The following GSE1 variants were observed in gnomAD, a reference collection of about 807,000 sequenced individuals.
GSE1 encodes Gse1 coiled-coil protein.
Under a neutral mutation model 112.6 loss-of-function variants are expected in GSE1, and 32 were observed. The observed-to-expected ratio is 0.28, with a 90% CI of 0.21 to 0.38. The LOEUF is 0.38. GSE1 is among the 10% of genes least tolerant of loss of function. GSE1 has a pLI of 1.00. For missense variants in GSE1, 2,348 were observed against 1,699.2 expected, an observed-to-expected ratio of 1.38 and a Z score of -6.71; for synonymous variants, 1,115 against 735.6, an observed-to-expected ratio of 1.52 and a Z score of -8.35.
intron 2 of GSE1, among the ~76,000 whole-genome samples, chr16:85,501,371 G>A (rs1490769220): frequency 6.7e-6 from 1 of 150,114 alleles, no homozygotes; most frequent in East Asian, 2.0e-4. Flanking sequence ...ACACGGTTCT[G>A]GGATTAGGAC....
chr16:85,593,176 A>G (rs555560536), intron 1 of GSE1: 3 of 152,438 alleles, frequency 2.0e-5, no homozygotes, highest in Admixed American at 1.3e-4. Flanking sequence ...ATCCTGGTCT[A>G]TCGAGTGGGT....
chr16:85,317,575 C>T (rs571857013), intron 1 of GSE1, among the ~76,000 whole-genome samples: 21 of 152,168 alleles, frequency 1.4e-4, no homozygotes, highest in African/African-American at 5.1e-4. Context: ...AGCATCCATG[C>T]GCCCTGCACA....
upstream of GSE1, among the ~76,000 whole-genome samples, chr16:85,612,583 C>T (rs2048064319): frequency 6.6e-6 from 1 of 151,616 alleles, no homozygotes; most frequent in Non-Finnish European, 1.5e-5. Flanking sequence ...CGCAGCGGCC[C>T]GCAATTGTGG....
intron 2 of GSE1, among the ~76,000 whole-genome samples, chr16:85,447,581 G>C (rs1047854686): frequency 2.0e-5 from 3 of 152,224 alleles, no homozygotes; most frequent in African/African-American, 7.2e-5. Flanking sequence ...CCAGGCGCCT[G>C]CTCCGTGCCT....
At chr16:85,585,296 C>G (rs1567616195) in intron 1 of GSE1, among the ~76,000 whole-genome samples, 2 of 152,202 alleles carry the variant, frequency 1.3e-5, no homozygotes, top group Middle Eastern at 3.2e-3. Context: ...CTCCAGGAAC[C>G]AGAGGCCCAT....
At chr16:85,330,128 G>A (rs538479233) in intron 1 of GSE1, among the ~76,000 whole-genome samples, 2 of 152,336 alleles carry the variant, frequency 1.3e-5, no homozygotes, top group African/African-American at 4.8e-5. Flanking sequence ...TGCCTGCTGT[G>A]CTGGGCCGAG....
At chr16:85,196,371 C>G (rs991660152) in intron 1 of GSE1, among the ~76,000 whole-genome samples, 1 of 152,158 alleles carries the variant, frequency 6.6e-6, no homozygotes, top group Non-Finnish European at 1.5e-5. Context: ...GGACCTGCAT[C>G]TGACTGTCAG....
rs537735102 is a variant in GSE1, at chr16:85,410,403, G to C, written c.2464+52760G>C. Among the ~76,000 whole-genome samples the C allele has an allele frequency of 1.4e-4, 5 of 34,540 alleles. 2 individuals carry two copies. The highest frequency in any genetic ancestry group is 9.4e-4 in the African/African-American group (5 of 5,328). 22.7% of individuals were successfully genotyped at this position (34,540 alleles called of 152,430 possible). The stretch of plus-strand genomic sequence containing the variant: ...TCACTTTTACACTCAGGCCCCCCTG[G>C]ATAATCCTCACTGTTACACTCAGGG... On this transcript the variant is annotated intron_variant, in intron 2 of 2. Coordinates refer to the GSE1 transcript ENST00000637419.
intron 1 of GSE1, among the ~76,000 whole-genome samples, chr16:85,277,080 C>A (rs938528645): frequency 6.6e-6 from 1 of 152,134 alleles, no homozygotes; most frequent in Non-Finnish European, 1.5e-5. Context: ...TGGATTGAAT[C>A]TGGGGAAGGA....
intron 2 of GSE1, among the ~76,000 whole-genome samples, chr16:85,639,846 C>T (rs1178327876): frequency 6.6e-6 from 1 of 152,242 alleles, no homozygotes; most frequent in East Asian, 1.9e-4. Context: ...GCGGCAGCCT[C>T]CCGCAGGGAC....
Position 85,208,929 on chromosome 16 carries a change from G to A in GSE1, c.2283+37122G>A, listed in dbSNP as rs545323285. Among the ~76,000 whole-genome samples, 25 of 148,166 alleles carry A rather than the reference G, an allele frequency of 1.7e-4. No homozygotes were observed. In the South Asian group the frequency reaches 4.9e-3, roughly 29 times the overall value. ...TGGGGTTTGCCACGTGTCGGGGTTCGCCTGTGTTGGGGTTCGCCGCATGTT... is the reference window on the plus strand; with the variant it reads ...TGGGGTTTGCCACGTGTCGGGGTTCACCTGTGTTGGGGTTCGCCGCATGTT... On this transcript the variant is annotated intron_variant, in intron 1 of 2. Transcript: ENST00000637419.
At chr16:85,667,936 C>T (rs1452139804) in intron 13 of GSE1, among the ~76,000 whole-genome samples, 2 of 144,468 alleles carry the variant, frequency 1.4e-5, no homozygotes, top group Non-Finnish European at 3.0e-5. Context: ...CTCAGGGCTG[C>T]GTTGTCTCCT....
intron 2 of GSE1, among the ~76,000 whole-genome samples, chr16:85,435,081 C>T (rs2049213289): frequency 6.6e-6 from 1 of 152,246 alleles, no homozygotes; most frequent in Non-Finnish European, 1.5e-5. Context: ...AACAGGAGGT[C>T]CCCATTTTCA....
Position 85,657,384 on chromosome 16 carries a change from A to C in GSE1, c.1420A>C (p.Ile474Leu). The change falls in exon 8 of 16, where the codon ATC (isoleucine) becomes CTC (leucine). Residue 474 changes from isoleucine (I) to leucine (L), a missense_variant. Ile to Leu is a conservative substitution (Grantham distance 5). Coordinates refer to ENST00000253458, the MANE Select transcript of GSE1 (RefSeq NM_014615.5). ...GCCCAGCCTCATCTCCAACCATGGC[A>C]TCTTCTCTCTGCCTAGCAGCAGTGC... is the stretch of plus-strand genomic sequence containing the variant. Reference protein sequence around the residue: ...TVPSLISNHGIFSLPSSSAAT... With the variant: ...TVPSLISNHGLFSLPSSSAAT... The C allele has an allele frequency of 1.2e-6, 2 of 1,612,584 alleles. No individual in the cohort carries two copies. Among genetic ancestry groups the C allele is most frequent in the Non-Finnish European group, 1.7e-6 (2 of 1,179,830 alleles).
At chr16:85,483,741 C>G (rs1451789185) in intron 2 of GSE1, among the ~76,000 whole-genome samples, 1 of 152,268 alleles carries the variant, frequency 6.6e-6, no homozygotes. Context: ...CCCGTGTAAA[C>G]CTAGCAGCAG....
intron 1 of GSE1, among the ~76,000 whole-genome samples, chr16:85,327,046 A>G (rs1567689706): frequency 6.6e-6 from 1 of 152,220 alleles, no homozygotes; most frequent in Non-Finnish European, 1.5e-5. Flanking sequence ...TCTACTTCCA[A>G]GACAGTGCGT....
At chr16:85,413,940 TCTC>T (rs528834194) in intron 2 of GSE1, among the ~76,000 whole-genome samples, 6 of 152,178 alleles carry the variant, frequency 3.9e-5, no homozygotes, top group Admixed American at 1.3e-4. Flanking sequence ...GCTCAGCACT[TCTC>T]CTTCCTGCTG....
At chr16:85,443,861 C>G (rs959883072) in intron 2 of GSE1, among the ~76,000 whole-genome samples, 1 of 152,068 alleles carries the variant, frequency 6.6e-6, no homozygotes, top group Non-Finnish European at 1.5e-5. Context: ...AGGATGAGAT[C>G]GCGCCCACTC....
chr16:85,179,258 C>T (rs897574654), intron 1 of GSE1, among the ~76,000 whole-genome samples: 8 of 152,186 alleles, frequency 5.3e-5, no homozygotes, highest in Non-Finnish European at 7.3e-5. Flanking sequence ...TCATCTAATT[C>T]GTGCCTTTTT....
Sources: gnomAD v4.1 joint callset for allele counts (sites outside exome capture counted in the v4.1 genomes callset) on GRCh38, gnomAD v4.1.1 for gene constraint, MANE v1.5 for transcripts, NCBI Gene and HGNC (gene_info 2026-07-23, HGNC 2026-07-21) for gene names.